The following ILRUN variants were observed in gnomAD, a reference collection of about 807,000 sequenced individuals.
ILRUN encodes protein ILRUN.
A neutral mutation model predicts 33.8 loss-of-function variants in ILRUN; 3 were observed. The observed-to-expected ratio is 0.09, with a 90% CI of 0.04 to 0.23. The LOEUF (loss-of-function observed/expected upper bound fraction) is 0.23. Ranked by LOEUF, ILRUN falls within the 10% of genes least tolerant of loss-of-function variation. The pLI is 1.00. For synonymous variants in ILRUN, 124 were observed against 138.9 expected, an observed-to-expected ratio of 0.89 and a Z score of 0.75; for missense variants, 210 against 375.1, an observed-to-expected ratio of 0.56 and a Z score of 3.64.
At chr6:34,649,704 C>T (rs1213823870) in intron 2 of ILRUN, among the ~76,000 whole-genome samples, 1 of 152,124 alleles carries the variant, frequency 6.6e-6, no homozygotes, top group Non-Finnish European at 1.5e-5. Context: ...ATACAGAAGA[C>T]AAACCTTAAT....
rs567593728 is a variant in ILRUN, at chr6:34,653,776, C to A, written c.313+849G>T. Among the ~76,000 whole-genome samples, 26 of 151,940 alleles carry A rather than the reference C, an allele frequency of 1.7e-4. No individual in the cohort carries two copies. In the East Asian group the frequency reaches 5.0e-3, roughly 29 times the overall value. On this transcript the variant is annotated intron_variant, in intron 2 of 4. Transcript: ENST00000374023. Reference sequence around the variant, plus strand: ...TAGCTTGAGCCCAAGAGTTCGAGATCAACCTGGGCAACACAGGAAGACTCC... The same window carrying A: ...TAGCTTGAGCCCAAGAGTTCGAGATAAACCTGGGCAACACAGGAAGACTCC...
chr6:34,635,612 CTTTTT>C (rs778064465), intron 3 of ILRUN, among the ~76,000 whole-genome samples: 2 of 104,572 alleles, frequency 1.9e-5, no homozygotes, highest in Non-Finnish European at 1.8e-5. Context: ...TCTTAGAAAG[CTTTTT>C]TTTTTTTTTT....
chr6:34,658,812 A>T (rs1762829946), intron 1 of ILRUN, among the ~76,000 whole-genome samples: 1 of 152,140 alleles, frequency 6.6e-6, no homozygotes. Flanking sequence ...CATCTCAAGA[A>T]AAAAAAGACT....
At chr6:34,662,458 T>C (rs1285770591) in intron 1 of ILRUN, among the ~76,000 whole-genome samples, 2 of 152,214 alleles carry the variant, frequency 1.3e-5, no homozygotes, top group Admixed American at 6.5e-5. Context: ...CAGAGCAGCA[T>C]TATTCATAAG....
intron 3 of ILRUN, among the ~76,000 whole-genome samples, chr6:34,618,476 C>T (rs927699015): frequency 3.9e-5 from 6 of 152,154 alleles, no homozygotes; most frequent in African/African-American, 1.4e-4. Context: ...GCAACCAATC[C>T]AGAACTGACC....
intron 3 of ILRUN, among the ~76,000 whole-genome samples, chr6:34,623,834 T>C (rs1409925145): frequency 6.6e-6 from 1 of 152,138 alleles, no homozygotes; most frequent in Non-Finnish European, 1.5e-5. Flanking sequence ...CCTCCAATAC[T>C]TCTTTTTCTT....
chr6:34,627,739 T>C lies in ILRUN; in HGVS notation c.511+18862A>G, dbSNP rs1762167245. On this transcript the variant is annotated intron_variant, in intron 3 of 4. Transcript: ENST00000374023. The stretch of plus-strand genomic sequence containing the variant: ...TTTTTTTGAGACAGAGTTTCGCTCT[T>C]GTAGCCCAGGCTGGAGTGCAATGGC... Among the ~76,000 whole-genome samples the C allele has an allele frequency of 2.0e-5, 3 of 150,802 alleles. No individual in the cohort carries two copies. The South Asian group carries it at 6.3e-4, about 31-fold the overall frequency.
At chr6:34,674,607 A>G (rs1763188262) in intron 1 of ILRUN, among the ~76,000 whole-genome samples, 2 of 152,228 alleles carry the variant, frequency 1.3e-5, no homozygotes, top group Non-Finnish European at 1.5e-5. Context: ...GCCTCTGGGG[A>G]GTCAAGGAAG....
chr6:34,664,614 A>G (rs56987113), intron 1 of ILRUN, among the ~76,000 whole-genome samples: 9,438 of 152,290 alleles, frequency 0.062, 500 homozygotes, highest in East Asian at 0.32. Context: ...ATACTTCCCA[A>G]AATGGGAAAC....
At chr6:34,630,688 T>C (rs2127348279) in intron 3 of ILRUN, among the ~76,000 whole-genome samples, 1 of 152,268 alleles carries the variant, frequency 6.6e-6, no homozygotes, top group East Asian at 1.9e-4. Context: ...GCCCTGGGTT[T>C]GTTTTTTTAA....
intron 1 of ILRUN, among the ~76,000 whole-genome samples, chr6:34,683,162 G>A (rs1017248542): frequency 6.8e-6 from 1 of 147,264 alleles, no homozygotes; most frequent in Non-Finnish European, 1.5e-5. Context: ...ACACACGTGT[G>A]TTTATGTGTA....
At chr6:34,653,132 C>CAAAAAAAA (rs947213125) in intron 2 of ILRUN, among the ~76,000 whole-genome samples, 3 of 51,520 alleles carry the variant, frequency 5.8e-5, no homozygotes, top group African/African-American at 1.2e-4. Context: ...GACCTTGTCT[C>CAAAAAAAA]AAAAAAAAAA....
chr6:34,617,189 T>C, intron 3 of ILRUN: 1 of 486,232 alleles, frequency 2.1e-6, no homozygotes, highest in Non-Finnish European at 4.1e-6. Flanking sequence ...AAACTACACA[T>C]TTTGTAGAAG....
At chr6:34,694,659 C>A (rs1000229661) in intron 1 of ILRUN, among the ~76,000 whole-genome samples, 1 of 151,998 alleles carries the variant, frequency 6.6e-6, no homozygotes, top group Non-Finnish European at 1.5e-5. Context: ...TGCATCCAGT[C>A]AAAGAGTTTT....
At chr6:34,610,997 G>A (rs1761735816) in intron 3 of ILRUN, among the ~76,000 whole-genome samples, 2 of 151,848 alleles carry the variant, frequency 1.3e-5, no homozygotes, top group Admixed American at 6.6e-5. Context: ...GATCACTTGA[G>A]CCCAGGAGTT....
At position 34,662,124 on chromosome 6, in the gene ILRUN, CAAAAAAAAAA is replaced by C. The variant is rs57423564; in HGVS notation, c.159-7355_159-7346del. Reference sequence around the variant, plus strand: ...TGGGCGACAGAGCGAGACTCCGTCTCAAAAAAAAAAAAAAAAAAAAAAAAAAAAAAAATTA... The same window carrying C: ...TGGGCGACAGAGCGAGACTCCGTCTCAAAAAAAAAAAAAAAAAAAAAATTA... On this transcript the variant is annotated intron_variant, in intron 1 of 4. Transcript: ENST00000374023. 2.5e-4 allele frequency among the ~76,000 whole-genome samples: 10 copies of C among 39,990 alleles called. No individual in the cohort carries two copies. The South Asian group carries it at 7.4e-3, about 30-fold the overall frequency. The allele number at this position is 39,990 out of a possible 152,430, so 26.2% of individuals were successfully genotyped here.
intron 1 of ILRUN, among the ~76,000 whole-genome samples, chr6:34,666,826 G>A (rs527601406): frequency 1.3e-4 from 20 of 152,266 alleles, no homozygotes; most frequent in South Asian, 2.1e-4. Context: ...ACAATCTCAC[G>A]TATTCTGTTA....
At chr6:34,605,318 C>CAAAAAAAAAAAAAAAAAAAAA (rs78612898) in intron 4 of ILRUN, among the ~76,000 whole-genome samples, 1 of 74,136 alleles carries the variant, frequency 1.3e-5, no homozygotes. Flanking sequence ...AAAACAAAAA[C>CAAAAAAAAAAAAAAAAAAAAA]AAAAAAAAAA....
At chr6:34,673,382 C>T (rs1443063743) in intron 1 of ILRUN, among the ~76,000 whole-genome samples, 1 of 152,046 alleles carries the variant, frequency 6.6e-6, no homozygotes, top group Non-Finnish European at 1.5e-5. Flanking sequence ...GTGTCATAAC[C>T]TACTACTGAG....
Sources: allele counts gnomAD v4.1 joint callset (sites outside exome capture counted in the v4.1 genomes callset), GRCh38; gene constraint gnomAD v4.1.1; transcripts MANE v1.5; gene names NCBI Gene and HGNC (gene_info 2026-07-23, HGNC 2026-07-21).